The following MARS1 variants were observed in gnomAD, a reference collection of about 807,000 sequenced individuals.
The protein encoded by MARS1 is methionine--tRNA ligase, cytoplasmic.
A neutral mutation model predicts 119.5 loss-of-function variants in MARS1; 80 were observed. That is an observed-to-expected ratio of 0.67 (90% CI 0.56 to 0.81). MARS1 has a LOEUF of 0.81. Among genes scored for constraint, MARS1 ranks in the 30% least tolerant of loss-of-function variants. The pLI is 0.00. For missense variants in MARS1, 945 were observed against 1,116.5 expected, an observed-to-expected ratio of 0.85 and a Z score of 2.19; for synonymous variants, 418 against 433.4, an observed-to-expected ratio of 0.96 and a Z score of 0.44.
chr12:57,502,069 T>C (rs955424189), intron 10 of MARS1, among the ~76,000 whole-genome samples: 1 of 152,142 alleles, frequency 6.6e-6, no homozygotes, highest in Non-Finnish European at 1.5e-5. Context: ...AATGGTGGCT[T>C]GCACTAGGTT....
Position 57,512,019 on chromosome 12 carries a change from C to A in MARS1, c.1551C>A (p.Val517=). 1 of 1,614,110 alleles carries A rather than the reference C, an allele frequency of 6.2e-7. No individual in the cohort carries two copies. Among genetic ancestry groups the A allele is most frequent in the Non-Finnish European group, 8.5e-7 (1 of 1,179,954 alleles). Residue 517 remains valine, a synonymous_variant, in exon 13 of 21, where the codon GTC becomes GTA. Transcript: ENST00000262027. ...CTTCTGACCTCCAGGTATTCTATGT[C>A]TGGTTTGATGCCACTATTGGCTATC... The part of the protein sequence containing the change: ...LEGFEDKVFY[V]WFDATIGYLS...
intron 7 of MARS1, among the ~76,000 whole-genome samples, chr12:57,493,275 T>A (rs1415246133): frequency 8.3e-6 from 1 of 120,216 alleles, no homozygotes; most frequent in Non-Finnish European, 1.6e-5. Flanking sequence ...CCATCCTTGT[T>A]GTTTTGCTTG....
In MARS1 at chr12:57,507,961, G is replaced by A. The variant is rs1468058003; in HGVS notation, c.1368+3662G>A. On this transcript the variant is annotated intron_variant, in intron 11 of 20. Coordinates refer to ENST00000262027, the MANE Select transcript of MARS1 (RefSeq NM_004990.4). ...TTCTCAGATGGGGCGGCTGCCGGGCGGAGGGTCTCCTCACTTCTCAGACGC... is the reference window on the plus strand; with the variant it reads ...TTCTCAGATGGGGCGGCTGCCGGGCAGAGGGTCTCCTCACTTCTCAGACGC... Among the ~76,000 whole-genome samples the A allele has an allele frequency of 6.3e-4, 96 of 151,488 alleles. No homozygotes were observed. In the Middle Eastern group the frequency reaches 0.01, roughly 16 times the overall value.
chr12:57,500,416 T>G lies in MARS1; in HGVS notation c.1187T>G (p.Leu396Arg). Residue 396 changes from leucine to arginine, a missense_variant, in exon 10 of 21, where the codon CTG becomes CGG. Transcript: ENST00000262027. ...QLRCEHCARFLADRFVEGVCP... is the reference protein window; with the variant it reads ...QLRCEHCARFRADRFVEGVCP... ...CGATGTGAGCACTGTGCTCGCTTCC[T>G]GGCTGACCGCTTCGTGGAGGGCGTG... 1 of 1,614,152 alleles carries G rather than the reference T, an allele frequency of 6.2e-7. No homozygotes were observed.
intron 4 of MARS1, 155 bp downstream of exon 4, chr12:57,489,713 G>A (rs1289284857): frequency 5.9e-6 from 7 of 1,178,312 alleles, no homozygotes; most frequent in Non-Finnish European, 8.5e-6. Context: ...ATTTTTTTCA[G>A]TTGTGAAATG....
At position 57,498,548 on chromosome 12, in the gene MARS1, T is replaced by C. The variant is rs750435466; in HGVS notation, c.1016T>C (p.Ile339Thr). Residue 339 changes from isoleucine (I) to threonine (T), a missense_variant, in exon 9 of 21, where the codon ATC (isoleucine) becomes ACC (threonine). Transcript: ENST00000262027. ...PQEICDKYHI[I>T]HADIYRWFNI... The stretch of plus-strand genomic sequence containing the variant: ...GAGATCTGCGACAAGTACCACATCA[T>C]CCATGCTGACATCTACCGCTGGTTT... 6 of 1,614,082 alleles carry C rather than the reference T, an allele frequency of 3.7e-6. No individual in the cohort carries two copies. The highest frequency in any genetic ancestry group is 3.3e-5 in the Admixed American group (2 of 59,998).
chr12:57,504,193 C>G (rs1435629053), intron 10 of MARS1, 32 bp from the exon 11 acceptor site: 1 of 1,552,456 alleles, frequency 6.4e-7, no homozygotes, highest in South Asian at 1.1e-5. Context: ...GGCCTGCAGG[C>G]CTGATCTGTC....
At chr12:57,493,878 A>AAT (rs1876411895) in intron 7 of MARS1, among the ~76,000 whole-genome samples, 1 of 44,956 alleles carries the variant, frequency 2.2e-5, no homozygotes, top group Non-Finnish European at 3.7e-5. Context: ...TAATATATAT[A>AAT]ATATATAATA....
chr12:57,491,349 A>C (rs1875947902), intron 7 of MARS1, among the ~76,000 whole-genome samples: 1 of 152,124 alleles, frequency 6.6e-6, no homozygotes, highest in South Asian at 2.1e-4. Context: ...TTTCCTGCTA[A>C]ATGCCCTTTT....
rs533707886 is a variant in MARS1 at position 57,488,859 on chromosome 12, G to C, written c.110-160G>C. 1,092 of 764,332 alleles carry C rather than the reference G, an allele frequency of 1.4e-3. 2 individuals are homozygous for C. Among genetic ancestry groups the C allele is most frequent in the Non-Finnish European group, 1.9e-3 (891 of 470,232 alleles). 47.3% of individuals were successfully genotyped at this position (764,332 alleles called of 1,614,324 possible). A position where few individuals can be genotyped will look rare whatever the true frequency, so the allele number is the denominator to read the frequency against. ...CCTGCTGGCCTCTCCAGCCCATTCCGGACCACCCCCTTTCAGTGGTCCTAT... is the reference window on the plus strand; with the variant it reads ...CCTGCTGGCCTCTCCAGCCCATTCCCGACCACCCCCTTTCAGTGGTCCTAT... On this transcript the variant is annotated intron_variant, in intron 1 of 20. Coordinates refer to ENST00000262027, the MANE Select transcript of MARS1 (RefSeq NM_004990.4).
chr12:57,489,900 CAG>C lies in MARS1; in HGVS notation c.421_422del (p.Glu141IlefsTer23). 6.2e-7 allele frequency: 1 copy of C among 1,613,816 alleles called. No individual in the cohort carries two copies. On this transcript the variant is annotated frameshift_variant, in exon 5 of 21. Coordinates refer to ENST00000262027, the MANE Select transcript of MARS1 (RefSeq NM_004990.4). LOFTEE classifies it high-confidence loss of function. ...CCTTTTCTATCCCCAACAAAGGAGACAGAATCTCTAGCCGACATTGTTTTGTG... is the reference window on the plus strand; with the variant it reads ...CCTTTTCTATCCCCAACAAAGGAGACAATCTCTAGCCGACATTGTTTTGTG...
intron 11 of MARS1, among the ~76,000 whole-genome samples, chr12:57,508,280 A>G (rs1219977618): frequency 2.6e-5 from 4 of 152,180 alleles, no homozygotes; most frequent in Non-Finnish European, 5.9e-5. Context: ...AGAGGCTGCA[A>G]TCTCGGCACT....
chr12:57,512,705 G>A (rs1366204899), intron 14 of MARS1, 46 bp from the exon 15 acceptor site: 1 of 1,421,414 alleles, frequency 7.0e-7, no homozygotes. Flanking sequence ...GAGAGGGGAA[G>A]GATGTGATGT....
Position 57,488,117 on chromosome 12 carries a change from C to G in MARS1, c.27C>G (p.Val9=), listed in dbSNP as rs766385130. 1.2e-6 allele frequency: 2 copies of G among 1,614,206 alleles called. No individual in the cohort carries two copies. The highest frequency in any genetic ancestry group is 3.3e-5 in the Admixed American group (2 of 60,028). The change falls in exon 1 of 21, where the codon GTC becomes GTG. Residue 9 remains valine, a synonymous_variant. Transcript: ENST00000262027. The part of the protein sequence containing the change: MRLFVSDG[V]PGCLPVLAAA... ...TGAGACTGTTCGTGAGTGATGGCGT[C>G]CCGGGTTGCTTGCCGGTGCTGGCCG...
intron 1 of MARS1, 53 bp from the exon 2 acceptor site, chr12:57,488,966 A>G (rs1259754836): frequency 1.5e-6 from 2 of 1,335,678 alleles, no homozygotes; most frequent in East Asian, 4.6e-5. Context: ...TTGACAAAGT[A>G]TTTCTTTTCT....
intron 7 of MARS1, among the ~76,000 whole-genome samples, chr12:57,495,297 C>T (rs907150535): frequency 8.8e-4 from 132 of 150,078 alleles, no homozygotes; most frequent in African/African-American, 3.0e-3. Context: ...GGCTGCCGGG[C>T]GGACACGCTC....
At chr12:57,490,080 A>G (rs999323909) in intron 5 of MARS1, 109 bp downstream of exon 5, 8 of 1,436,378 alleles carry the variant, frequency 5.6e-6, no homozygotes, top group Non-Finnish European at 7.8e-6. Context: ...CTGGGCAACT[A>G]TAGCAGAAGA....
In MARS1 at chr12:57,511,714, A is replaced by AG; in HGVS notation, c.1387dup (p.Glu463GlyfsTer11). ...TTATCTCAGCTGGAGAAGCGACTGGAGGAGTGGTTGGGGAGGACATTGCCT... is the reference window on the plus strand; with the variant it reads ...TTATCTCAGCTGGAGAAGCGACTGGAGGGAGTGGTTGGGGAGGACATTGCCT... On this transcript the variant is annotated frameshift_variant, in exon 12 of 21. Transcript: ENST00000262027. LOFTEE classifies it high-confidence loss of function. 1 of 1,614,184 alleles carries AG rather than the reference A, an allele frequency of 6.2e-7. No individual in the cohort carries two copies. The highest frequency in any genetic ancestry group is 8.5e-7 in the Non-Finnish European group (1 of 1,180,026).
intron 1 of MARS1, 36 bp from the exon 2 acceptor site, chr12:57,488,981 CTT>C (rs553599538): frequency 1.2e-3 from 1,389 of 1,190,930 alleles, no homozygotes; most frequent in Non-Finnish European, 1.4e-3. Flanking sequence ...TTTTCTTTTC[CTT>C]TTTTTTTTTT....
Sources: allele counts gnomAD v4.1 joint callset (sites outside exome capture counted in the v4.1 genomes callset), GRCh38; gene constraint gnomAD v4.1.1; transcripts MANE v1.5; gene names NCBI Gene and HGNC (gene_info 2026-07-23, HGNC 2026-07-21).